The following LIX1 variants were observed in gnomAD, a reference collection of about 807,000 sequenced individuals.
LIX1 encodes the protein protein limb expression 1 homolog.
In LIX1, 24 loss-of-function variants were observed where a neutral mutation model predicts 33.4. That is an observed-to-expected ratio of 0.72 (90% CI 0.52 to 1.01). The LOEUF is 1.01. Among genes scored for constraint, LIX1 ranks in the 50% least tolerant of loss-of-function variants. The pLI is 0.00. For synonymous variants in LIX1, 124 were observed against 124.0 expected (o/e 1.00, Z 0.00); for missense variants, 311 against 339.2 (o/e 0.92, Z 0.65).
Position 97,142,564 on chromosome 5 carries a change from A to G in LIX1, c.13T>C (p.Leu5=), listed in dbSNP as rs1209596893. The change falls in exon 1 of 6, where the codon TTG becomes CTG. Residue 5 remains leucine, a synonymous_variant. Transcript: ENST00000274382. The part of the protein sequence containing the change: MDRT[L]ESLRHIIAQV... ...GCAATGATGTGTCTCAGAGATTCCA[A>G]GGTTCTGTCCATCTTGGGTCTGCCT... 11 of 1,613,906 alleles carry G rather than the reference A, an allele frequency of 6.8e-6. No individual in the cohort carries two copies. The highest frequency in any genetic ancestry group is 9.3e-6 in the Non-Finnish European group (11 of 1,179,910).
At chr5:97,134,917 T>C (rs948898148) in intron 1 of LIX1, among the ~76,000 whole-genome samples, 20 of 152,204 alleles carry the variant, frequency 1.3e-4, no homozygotes, top group Non-Finnish European at 2.6e-4. Flanking sequence ...CTGAGACAGC[T>C]TGGAGTCTTG....
intron 1 of LIX1, among the ~76,000 whole-genome samples, chr5:97,130,709 A>G (rs1002988688): frequency 3.5e-4 from 53 of 152,224 alleles, no homozygotes; most frequent in Non-Finnish European, 1.3e-4. Context: ...AGAAGGAGAC[A>G]TAAGTGTTAG....
At position 97,094,652 on chromosome 5, in the gene LIX1, A is replaced by G; in HGVS notation, c.*96T>C. 8.7e-7 allele frequency: 1 copy of G among 1,152,192 alleles called. No individual in the cohort carries two copies. Among genetic ancestry groups the G allele is most frequent in the Non-Finnish European group, 1.3e-6 (1 of 798,836 alleles). 71.4% of individuals were successfully genotyped at this position (1,152,192 alleles called of 1,614,324 possible). A position where few individuals can be genotyped will look rare whatever the true frequency, so the allele number is the denominator to read the frequency against. ...AGGGTTAGGAGAGCCTTCAGGTAGT[A>G]CTAGAGATGCTGGAGCCTCTGAGGA... is the stretch of plus-strand genomic sequence containing the variant. On this transcript the variant is annotated 3_prime_UTR_variant, in exon 6 of 6. Coordinates refer to ENST00000274382, the MANE Select transcript of LIX1 (RefSeq NM_153234.5).
At chr5:97,139,508 C>T (rs1748241024) in intron 1 of LIX1, among the ~76,000 whole-genome samples, 1 of 152,196 alleles carries the variant, frequency 6.6e-6, no homozygotes, top group Non-Finnish European at 1.5e-5. Context: ...TGGACAGGGG[C>T]TGCTTTTAGG....
intron 5 of LIX1, 100 bp downstream of exon 5, chr5:97,096,707 TTTA>T (rs1746393214): frequency 1.2e-6 from 1 of 837,296 alleles, no homozygotes; most frequent in South Asian, 1.6e-5. Context: ...AGGTACCAAA[TTTA>T]TATTTGGAAA....
intron 2 of LIX1, among the ~76,000 whole-genome samples, chr5:97,112,738 G>T (rs1747466439): frequency 6.6e-6 from 1 of 150,784 alleles, no homozygotes; most frequent in Non-Finnish European, 1.5e-5. Context: ...TTCATTTGCT[G>T]GTAGATTATA....
chr5:97,123,482 G>A (rs1747834575), intron 2 of LIX1, among the ~76,000 whole-genome samples: 1 of 152,156 alleles, frequency 6.6e-6, no homozygotes, highest in Non-Finnish European at 1.5e-5. Flanking sequence ...TCCTAGTGAA[G>A]TCCCTTCACC....
intron 1 of LIX1, among the ~76,000 whole-genome samples, chr5:97,124,959 T>C (rs1417220926): frequency 1.3e-5 from 2 of 152,166 alleles, no homozygotes; most frequent in East Asian, 3.8e-4. Context: ...AATTAATTTT[T>C]AATATAAAAA....
chr5:97,107,635 A>C, intron 2 of LIX1, 135 bp from the exon 3 acceptor site: 1 of 928,436 alleles, frequency 1.1e-6, no homozygotes, highest in Non-Finnish European at 1.6e-6. Context: ...TACATTGCTA[A>C]TTTCCCTGAA....
chr5:97,142,203 T>C (rs2112804687), intron 1 of LIX1, among the ~76,000 whole-genome samples: 1 of 152,354 alleles, frequency 6.6e-6, no homozygotes. Context: ...AGCTTTGCTT[T>C]ACTTAAAAAG....
intron 4 of LIX1, among the ~76,000 whole-genome samples, chr5:97,104,623 G>T (rs1746915699): frequency 6.6e-6 from 1 of 152,146 alleles, no homozygotes; most frequent in Non-Finnish European, 1.5e-5. Context: ...TACTGCTGTT[G>T]TTACTAATAT....
chr5:97,099,255 C>A (rs1746554453), intron 4 of LIX1, among the ~76,000 whole-genome samples: 1 of 152,190 alleles, frequency 6.6e-6, no homozygotes, highest in African/African-American at 2.4e-5. Flanking sequence ...CAAATCTCGT[C>A]CAATCTGGCT....
chr5:97,124,442 G>C (rs759252683), intron 2 of LIX1, 24 bp downstream of exon 2: 2 of 1,564,472 alleles, frequency 1.3e-6, no homozygotes, highest in South Asian at 2.4e-5. Flanking sequence ...AACTTTCACT[G>C]ACAAATTAAT....
At chr5:97,117,283 A>G (rs1747659451) in intron 2 of LIX1, among the ~76,000 whole-genome samples, 1 of 152,186 alleles carries the variant, frequency 6.6e-6, no homozygotes, top group Non-Finnish European at 1.5e-5. Flanking sequence ...GTCAAGGTAT[A>G]CCACCCTAGA....
chr5:97,106,640 T>A (rs1476673061), intron 3 of LIX1, among the ~76,000 whole-genome samples: 1 of 152,198 alleles, frequency 6.6e-6, no homozygotes, highest in Non-Finnish European at 1.5e-5. Flanking sequence ...TTTCTTGGCT[T>A]ATAGTTTGGA....
At chr5:97,111,490 T>C (rs1015410585) in intron 2 of LIX1, among the ~76,000 whole-genome samples, 1 of 152,196 alleles carries the variant, frequency 6.6e-6, no homozygotes, top group African/African-American at 2.4e-5. Flanking sequence ...TTATTATTCT[T>C]TGGAAAATCA....
intron 4 of LIX1, among the ~76,000 whole-genome samples, chr5:97,103,781 C>T (rs180958969): frequency 1.4e-4 from 22 of 152,012 alleles, no homozygotes; most frequent in African/African-American, 4.6e-4. Flanking sequence ...CTGGCTAACA[C>T]GGTGAAATCC....
intron 2 of LIX1, among the ~76,000 whole-genome samples, 179 bp downstream of exon 2, chr5:97,124,287 A>G (rs1177636590): frequency 6.6e-6 from 1 of 152,224 alleles, no homozygotes; most frequent in African/African-American, 2.4e-5. Context: ...CTCAATTAAA[A>G]GGGTATTTAT....
intron 2 of LIX1, among the ~76,000 whole-genome samples, chr5:97,109,923 T>C (rs172723): frequency 0.27 from 40,919 of 152,206 alleles, 6,344 homozygotes; most frequent in African/African-American, 0.43. Flanking sequence ...CATTATTTTG[T>C]TCATTTATAT....
Sources: allele counts gnomAD v4.1 joint callset (sites outside exome capture counted in the v4.1 genomes callset), GRCh38; gene constraint gnomAD v4.1.1; transcripts MANE v1.5; gene names NCBI Gene and HGNC (gene_info 2026-07-23, HGNC 2026-07-21).